Variants in TENM4 observed in about 807,000 individuals in gnomAD.
TENM4 encodes the protein teneurin-4.
A neutral mutation model predicts 243.3 loss-of-function variants in TENM4; 82 were observed. That is an observed-to-expected ratio of 0.34 (90% CI 0.28 to 0.40). The LOEUF (loss-of-function observed/expected upper bound fraction) is 0.40. Among genes scored for constraint, TENM4 ranks in the 10% least tolerant of loss-of-function variants. The pLI, the probability that TENM4 is intolerant of heterozygous loss-of-function variation, is 1.00. For synonymous variants in TENM4, 1,412 were observed against 1,456.3 expected (o/e 0.97, Z 0.69); for missense variants, 3,138 against 3,673.3 (o/e 0.85, Z 3.77).
intron 2 of TENM4, among the ~76,000 whole-genome samples, chr11:79,282,815 G>GC (rs1473760992): frequency 8.5e-6 from 1 of 118,272 alleles, no homozygotes; most frequent in African/African-American, 3.2e-5. Flanking sequence ...ATTTAAAATT[G>GC]GAAAAAAAAA....
chr11:79,192,111 G>C (rs1391742731), intron 3 of TENM4, among the ~76,000 whole-genome samples: 1 of 148,774 alleles, frequency 6.7e-6, no homozygotes, highest in East Asian at 2.0e-4. Flanking sequence ...TCAGCCCCCC[G>C]CCCGGCCAGC....
chr11:78,902,920 C>T (rs1345442687), intron 7 of TENM4, among the ~76,000 whole-genome samples: 1 of 152,214 alleles, frequency 6.6e-6, no homozygotes, highest in African/African-American at 2.4e-5. Context: ...TCTGTGAAAG[C>T]CTCGTTCACA....
intron 2 of TENM4, among the ~76,000 whole-genome samples, chr11:79,257,802 G>A: frequency 6.6e-6 from 1 of 152,268 alleles, no homozygotes; most frequent in East Asian, 1.9e-4. Context: ...AACTGAACTT[G>A]AGACCAAAGA....
intron 3 of TENM4, among the ~76,000 whole-genome samples, chr11:79,203,851 T>C (rs1375484095): frequency 1.3e-5 from 2 of 152,170 alleles, no homozygotes; most frequent in Non-Finnish European, 2.9e-5. Context: ...TGTATTCACA[T>C]GAAAATGAAA....
At chr11:78,687,803 G>A (rs191156119) in intron 29 of TENM4, among the ~76,000 whole-genome samples, 25 of 152,292 alleles carry the variant, frequency 1.6e-4, no homozygotes, top group African/African-American at 6.0e-4. Context: ...ACCTGGATTA[G>A]CAGCTAATGA....
At chr11:79,134,517 G>C (rs1862071358) in intron 4 of TENM4, among the ~76,000 whole-genome samples, 1 of 151,914 alleles carries the variant, frequency 6.6e-6, no homozygotes, top group East Asian at 1.9e-4. Context: ...ATATGGAACA[G>C]AAAAAGAGCC....
At chr11:78,788,175 T>G (rs1280673234) in intron 15 of TENM4, among the ~76,000 whole-genome samples, 2 of 152,232 alleles carry the variant, frequency 1.3e-5, no homozygotes, top group Non-Finnish European at 2.9e-5. Flanking sequence ...TAGAAGCTGC[T>G]AATAATCTTA....
At chr11:78,986,324 A>T (rs76255756) in intron 6 of TENM4, among the ~76,000 whole-genome samples, 12,780 of 152,182 alleles carry the variant, frequency 0.084, 1,639 homozygotes, top group African/African-American at 0.28. Context: ...CACTGAGCTA[A>T]GTGATTTTAT....
In TENM4 at chr11:79,379,640, C is replaced by A. The variant is rs981919307; in HGVS notation, c.-321+60869G>T. The stretch of plus-strand genomic sequence containing the variant: ...TTCTGACAGCCATATGAAGTCAGTG[C>A]TCATGTTATCTCCAGGTGAGAAAAT... On this transcript the variant is annotated intron_variant, in intron 1 of 33. Coordinates refer to ENST00000278550, the MANE Select transcript of TENM4 (RefSeq NM_001098816.3). Among the ~76,000 whole-genome samples, 4 of 152,164 alleles carry A rather than the reference C, an allele frequency of 2.6e-5. No homozygotes were observed. In the East Asian group the frequency reaches 7.7e-4, roughly 29 times the overall value.
At chr11:78,908,018 T>C (rs947548343) in intron 6 of TENM4, among the ~76,000 whole-genome samples, 2 of 152,216 alleles carry the variant, frequency 1.3e-5, no homozygotes, top group African/African-American at 2.4e-5. Flanking sequence ...TTCTTAAATA[T>C]ATTTGCAGTT....
At chr11:79,290,874 G>A (rs1374334337) in intron 2 of TENM4, among the ~76,000 whole-genome samples, 1 of 152,130 alleles carries the variant, frequency 6.6e-6, no homozygotes, top group Non-Finnish European at 1.5e-5. Flanking sequence ...TACTCATAAG[G>A]AATCCTCCCA....
intron 18 of TENM4, among the ~76,000 whole-genome samples, chr11:78,760,817 G>A (rs950132553): frequency 9.2e-5 from 14 of 151,864 alleles, no homozygotes; most frequent in African/African-American, 1.5e-4. Flanking sequence ...CTTTTTATCC[G>A]CGTTCTATCC....
chr11:79,261,213 G>A (rs1390165341), intron 2 of TENM4, among the ~76,000 whole-genome samples: 1 of 152,060 alleles, frequency 6.6e-6, no homozygotes, highest in Non-Finnish European at 1.5e-5. Flanking sequence ...CCTGACCCTG[G>A]GTCCAGACAT....
chr11:79,215,694 TA>T, intron 3 of TENM4, 113 bp downstream of exon 3: 1 of 936,596 alleles, frequency 1.1e-6, no homozygotes. Flanking sequence ...TGCCAAGTCG[TA>T]AAAGCCTCCA....
chr11:79,301,567 G>T (rs1856549277), intron 1 of TENM4, among the ~76,000 whole-genome samples: 1 of 152,178 alleles, frequency 6.6e-6, no homozygotes, highest in East Asian at 1.9e-4. Flanking sequence ...CTTAAGCACT[G>T]TTTGGCATGG....
intron 28 of TENM4, among the ~76,000 whole-genome samples, chr11:78,698,733 G>T (rs938607071): frequency 6.6e-6 from 1 of 152,166 alleles, no homozygotes; most frequent in African/African-American, 2.4e-5. Context: ...CCAGAAATGG[G>T]GTAGGGCAGG....
intron 6 of TENM4, among the ~76,000 whole-genome samples, chr11:78,999,613 C>T (rs1303910597): frequency 6.6e-6 from 1 of 152,022 alleles, no homozygotes; most frequent in Non-Finnish European, 1.5e-5. Context: ...AATTAGAATC[C>T]AGAGTTGTTA....
intron 4 of TENM4, among the ~76,000 whole-genome samples, chr11:79,085,301 C>T (rs895247352): frequency 6.7e-6 from 1 of 149,598 alleles, no homozygotes; most frequent in Non-Finnish European, 1.5e-5. Context: ...GGCGTGAACC[C>T]GGGAGGCGGA....
At chr11:79,375,032 G>A (rs768812718) in intron 1 of TENM4, among the ~76,000 whole-genome samples, 7 of 152,218 alleles carry the variant, frequency 4.6e-5, no homozygotes, top group Non-Finnish European at 8.8e-5. Flanking sequence ...AGAAATGAGA[G>A]AGAGGGATTT....
Sources: gnomAD v4.1 joint callset for allele counts (sites outside exome capture counted in the v4.1 genomes callset) on GRCh38, gnomAD v4.1.1 for gene constraint, MANE v1.5 for transcripts, NCBI Gene and HGNC (gene_info 2026-07-23, HGNC 2026-07-21) for gene names.